AMPH: variants seen among roughly 807,000 people sequenced by gnomAD.
AMPH encodes the protein amphiphysin.
In AMPH, 49 loss-of-function variants were observed where a neutral mutation model predicts 99.1. That is an observed-to-expected ratio of 0.49 (90% confidence interval 0.39 to 0.63). The LOEUF (loss-of-function observed/expected upper bound fraction) is 0.63. Ranked by LOEUF, AMPH falls within the 20% of genes least tolerant of loss-of-function variation. The pLI, the probability that AMPH is intolerant of heterozygous loss-of-function variation, is 0.00. For missense variants in AMPH, 759 were observed against 863.4 expected (o/e 0.88, Z 1.52); for synonymous variants, 314 against 317.3 (o/e 0.99, Z 0.11).
At chr7:38,437,625 C>CAAAAAAAAAAAAA (rs70977404) in intron 11 of AMPH, among the ~76,000 whole-genome samples, 24 of 94,720 alleles carry the variant, frequency 2.5e-4, no homozygotes, top group South Asian at 4.3e-4. Context: ...ACTAAAAATA[C>CAAAAAAAAAAAAA]AAAAAAAAAA....
At chr7:38,422,351 G>A in intron 16 of AMPH, 70 bp downstream of exon 16, 2 of 1,311,730 alleles carry the variant, frequency 1.5e-6, no homozygotes, top group Non-Finnish European at 2.2e-6. Flanking sequence ...AGACAGCCTA[G>A]AATGATCAGC....
intron 17 of AMPH, among the ~76,000 whole-genome samples, chr7:38,407,622 A>G (rs973119436): frequency 6.6e-6 from 1 of 152,138 alleles, no homozygotes; most frequent in Non-Finnish European, 1.5e-5. Flanking sequence ...AAAATTTAAA[A>G]ATTTTAAATT....
intron 11 of AMPH, among the ~76,000 whole-genome samples, chr7:38,445,016 C>T (rs1292953681): frequency 0.023 from 2,947 of 130,218 alleles, 236 homozygotes; most frequent in African/African-American, 0.056. Context: ...TATATACACA[C>T]ACACACACGG....
intron 1 of AMPH, among the ~76,000 whole-genome samples, chr7:38,548,117 C>T (rs1004399107): frequency 6.6e-6 from 1 of 151,356 alleles, no homozygotes; most frequent in African/African-American, 2.4e-5. Context: ...CAAGCTCCAC[C>T]TCCTGGGTTC....
At chr7:38,477,567 T>C (rs954755791) in intron 5 of AMPH, among the ~76,000 whole-genome samples, 3 of 152,144 alleles carry the variant, frequency 2.0e-5, no homozygotes, top group African/African-American at 7.2e-5. Flanking sequence ...GGGTCAACAT[T>C]GGAAGCCATG....
chr7:38,505,490 A>G (rs866440094), intron 2 of AMPH, among the ~76,000 whole-genome samples: 1 of 152,046 alleles, frequency 6.6e-6, no homozygotes, highest in African/African-American at 2.4e-5. Context: ...TAAACAATTG[A>G]CTCCCTTTCT....
chr7:38,459,983 C>G (rs1035644379), intron 11 of AMPH, among the ~76,000 whole-genome samples: 2 of 151,624 alleles, frequency 1.3e-5, no homozygotes, highest in Non-Finnish European at 3.0e-5. Flanking sequence ...AGGAACTCAA[C>G]TCAATAATTA....
At chr7:38,496,097 G>A (rs938289017) in intron 3 of AMPH, among the ~76,000 whole-genome samples, 2 of 152,160 alleles carry the variant, frequency 1.3e-5, no homozygotes, top group African/African-American at 4.8e-5. Context: ...AGGGAGAGGA[G>A]AGGAAAATCA....
intron 1 of AMPH, among the ~76,000 whole-genome samples, chr7:38,630,765 T>C (rs1434381869): frequency 6.6e-6 from 1 of 152,194 alleles, no homozygotes; most frequent in Non-Finnish European, 1.5e-5. Context: ...GTGGCTTCTC[T>C]GTTAAATCGT....
intron 4 of AMPH, 53 bp from the exon 5 acceptor site, chr7:38,491,198 C>G: frequency 8.1e-7 from 1 of 1,240,230 alleles, no homozygotes; most frequent in Non-Finnish European, 1.1e-6. Flanking sequence ...ATACCTTTCA[C>G]CAAACTTCTA....
At chr7:38,467,738 G>A (rs1267804408) in intron 7 of AMPH, among the ~76,000 whole-genome samples, 1 of 151,776 alleles carries the variant, frequency 6.6e-6, no homozygotes, top group Non-Finnish European at 1.5e-5. Flanking sequence ...AAAACCACAT[G>A]GGAATGTTAA....
chr7:38,465,291 C>A (rs1321893007), intron 9 of AMPH, among the ~76,000 whole-genome samples, 176 bp downstream of exon 9: 2 of 152,126 alleles, frequency 1.3e-5, no homozygotes, highest in African/African-American at 4.8e-5. Context: ...CTAGTTGGGT[C>A]ACTGAAGGCC....
intron 5 of AMPH, among the ~76,000 whole-genome samples, chr7:38,490,545 T>C (rs540113173): frequency 1.9e-4 from 29 of 152,178 alleles, no homozygotes; most frequent in Non-Finnish European, 8.8e-5. Context: ...AAAATGCTTA[T>C]ATCTTAACAC....
At chr7:38,577,122 G>A (rs1792274487) in intron 1 of AMPH, among the ~76,000 whole-genome samples, 1 of 152,108 alleles carries the variant, frequency 6.6e-6, no homozygotes, top group South Asian at 2.1e-4. Flanking sequence ...TTATGTAGCA[G>A]GCATAGGCAG....
At position 38,571,020 on chromosome 7, in the gene AMPH, TTCATATATTGA is replaced by T. The variant is rs1791950151; in HGVS notation, c.70-36020_70-36010del. Among the ~76,000 whole-genome samples the T allele has an allele frequency of 1.8e-4, 10 of 55,810 alleles. 1 individual carries two copies. Among genetic ancestry groups the T allele is most frequent in the African/African-American group, 7.3e-4 (10 of 13,736 alleles). 36.6% of individuals were successfully genotyped at this position (55,810 alleles called of 152,430 possible). On this transcript the variant is annotated intron_variant, in intron 1 of 20. Coordinates refer to ENST00000356264, the MANE Select transcript of AMPH (RefSeq NM_001635.4). ...TATTCATATATATAGAATATATATA[TTCATATATTGA>T]ATATATATAGAATATATATATTCAT...
intron 1 of AMPH, among the ~76,000 whole-genome samples, chr7:38,542,997 G>A (rs779302800): frequency 1.7e-4 from 26 of 152,114 alleles, no homozygotes; most frequent in East Asian, 5.8e-4. Context: ...GGGAGGCTGA[G>A]GCAGAAGAAT....
At chr7:38,477,686 T>C (rs1484841359) in intron 5 of AMPH, among the ~76,000 whole-genome samples, 2 of 151,750 alleles carry the variant, frequency 1.3e-5, no homozygotes, top group East Asian at 1.9e-4. Context: ...GAACATTTCC[T>C]CTTAACAACA....
intron 7 of AMPH, among the ~76,000 whole-genome samples, chr7:38,473,173 G>C (rs1787947502): frequency 6.6e-6 from 1 of 152,136 alleles, no homozygotes. Flanking sequence ...AAGACTTTTT[G>C]AAGATCAGTT....
chr7:38,604,047 A>C (rs1793346876), intron 1 of AMPH, among the ~76,000 whole-genome samples: 1 of 152,230 alleles, frequency 6.6e-6, no homozygotes, highest in Non-Finnish European at 1.5e-5. Context: ...TATACTGATT[A>C]AGATGTTGAG....
Sources: allele counts gnomAD v4.1 joint callset (sites outside exome capture counted in the v4.1 genomes callset), GRCh38; gene constraint gnomAD v4.1.1; transcripts MANE v1.5; gene names NCBI Gene and HGNC (gene_info 2026-07-23, HGNC 2026-07-21).